Variants in PCDHA2 observed in about 807,000 individuals in gnomAD.
The protein encoded by PCDHA2 is protocadherin alpha 2.
PCDHA2 carries 58 observed loss-of-function variants against 66.0 expected under a neutral mutation model. The ratio of observed to expected loss-of-function variants is 0.88; its 90% CI spans 0.71 to 1.09. PCDHA2 has a LOEUF of 1.09. PCDHA2 is among the 50% of genes least tolerant of loss of function. The pLI is 0.00. For missense variants in PCDHA2, 1,267 were observed against 1,242.3 expected (o/e 1.02, Z -0.30); for synonymous variants, 634 against 554.0 (o/e 1.14, Z -2.03).
At chr5:140,809,302 C>A (rs1449558535) in intron 1 of PCDHA2, 3 of 1,614,006 alleles carry the variant, frequency 1.9e-6, no homozygotes, top group Non-Finnish European at 2.5e-6. Flanking sequence ...TTGCCATCTG[C>A]GCGGTGTCCA....
In PCDHA2 at chr5:140,855,913, A is replaced by G. The variant is rs560286204; in HGVS notation, c.2388+58561A>G. 287 of 1,174,758 alleles carry G rather than the reference A, an allele frequency of 2.4e-4. 22 individuals carry two copies. Among genetic ancestry groups the G allele is most frequent in the Admixed American group, 2.2e-3 (83 of 38,140 alleles). 72.8% of individuals were successfully genotyped at this position (1,174,758 alleles called of 1,614,324 possible). ...AAAGGCATCAGCCAGTTTCTCAAGG[A>G]CTAGGAAGTAGCGTCATTCTGAGAT... On this transcript the variant is annotated intron_variant, in intron 1 of 3. Transcript: ENST00000526136.
At chr5:140,810,494 T>A (rs1554125502) in intron 1 of PCDHA2, 1 of 152,242 alleles carries the variant, frequency 6.6e-6, no homozygotes, top group East Asian at 1.9e-4. Context: ...TCTACATTTG[T>A]CAGGTTATTT....
In PCDHA2 at chr5:140,842,738, C is replaced by T. The variant is rs1470514973; in HGVS notation, c.2388+45386C>T. The T allele has an allele frequency of 6.3e-7, 1 of 1,594,924 alleles. No homozygotes were observed. The highest frequency in any genetic ancestry group is 8.6e-7 in the Non-Finnish European group (1 of 1,165,426). ...GAAGGAGAACAACCCGCCGGGCTGCCACATCTTCACGGTGTCTGCGCGAGA... is the reference window on the plus strand; with the variant it reads ...GAAGGAGAACAACCCGCCGGGCTGCTACATCTTCACGGTGTCTGCGCGAGA... On this transcript the variant is annotated intron_variant, in intron 1 of 3. Coordinates refer to ENST00000526136, the MANE Select transcript of PCDHA2 (RefSeq NM_018905.3).
intron 1 of PCDHA2, chr5:140,800,983 A>G (rs568383923): frequency 7.4e-7 from 1 of 1,350,980 alleles, no homozygotes; most frequent in African/African-American, 1.5e-5. Context: ...TACATATTTA[A>G]TACTTACACG....
At position 140,909,867 on chromosome 5, in the gene PCDHA2, C is replaced by T. The variant is rs544055697; in HGVS notation, c.2389-69082C>T. Among the ~76,000 whole-genome samples the T allele has an allele frequency of 2.8e-4, 43 of 152,282 alleles. 1 individual carries two copies. The highest frequency in any genetic ancestry group is 4.9e-4 in the Non-Finnish European group (33 of 68,020). On this transcript the variant is annotated intron_variant, in intron 1 of 3. Coordinates refer to ENST00000526136, the MANE Select transcript of PCDHA2 (RefSeq NM_018905.3). ...GACGTTTTCGGTCCCCTGGAGTCAA[C>T]GTCAGCTTAGAGACACTGTTCAGTA...
rs1364522984 is a variant in PCDHA2 at position 140,856,543 on chromosome 5, A to G, written c.2388+59191A>G. 5.0e-6 allele frequency: 8 copies of G among 1,598,190 alleles called. No homozygotes were observed. In the African/African-American group the frequency reaches 6.7e-5, roughly 13 times the overall value. The stretch of plus-strand genomic sequence containing the variant: ...CTGATGCGGATGTTGGAGAGAACGC[A>G]TTGCTTACTTACAAACTCAGTCCAA... On this transcript the variant is annotated intron_variant, in intron 1 of 3. Transcript: ENST00000526136.
In PCDHA2 at chr5:140,977,999, G is replaced by A. The variant is rs1185111218; in HGVS notation, c.2389-950G>A. Among the ~76,000 whole-genome samples the A allele has an allele frequency of 1.3e-5, 2 of 152,132 alleles. 1 individual carries two copies. The highest frequency in any genetic ancestry group is 4.8e-5 in the African/African-American group (2 of 41,406). ...AAACGCATCTAGAGGAGTGTCACAA[G>A]TTTTTCACAGTGACATTTTTGCTTA... On this transcript the variant is annotated intron_variant, in intron 1 of 3. Coordinates refer to ENST00000526136, the MANE Select transcript of PCDHA2 (RefSeq NM_018905.3).
intron 1 of PCDHA2, chr5:140,861,550 T>G: frequency 2.4e-6 from 1 of 415,394 alleles, no homozygotes; most frequent in South Asian, 2.1e-5. Flanking sequence ...CACCTGGAAG[T>G]GATCGTGGAC....
intron 1 of PCDHA2, chr5:140,967,575 C>T: frequency 6.2e-7 from 1 of 1,614,156 alleles, no homozygotes. Context: ...CGGGAGGACT[C>T]ACCCCCAGGC....
At chr5:140,830,541 T>C in intron 1 of PCDHA2, 4 of 1,203,448 alleles carry the variant, frequency 3.3e-6, no homozygotes, top group Non-Finnish European at 4.5e-6. Context: ...ATAATTGTTT[T>C]CCTCATATTT....
chr5:140,916,092 A>T (rs1396935399), intron 1 of PCDHA2, among the ~76,000 whole-genome samples: 1 of 152,092 alleles, frequency 6.6e-6, no homozygotes, highest in Non-Finnish European at 1.5e-5. Flanking sequence ...GTCCACAGGG[A>T]ATCTGCCTGG....
intron 1 of PCDHA2, among the ~76,000 whole-genome samples, chr5:140,832,950 G>A (rs112678369): frequency 0.015 from 2,239 of 152,242 alleles, 37 homozygotes; most frequent in Non-Finnish European, 0.018. Flanking sequence ...ACTTAAGTGA[G>A]TATACAGAAA....
chr5:140,849,910 G>A, intron 1 of PCDHA2: 1 of 1,598,272 alleles, frequency 6.3e-7, no homozygotes. Flanking sequence ...CCGCCGGGCT[G>A]CCACATCTTC....
intron 3 of PCDHA2, among the ~76,000 whole-genome samples, chr5:141,002,590 C>T (rs183905414): frequency 6.6e-6 from 1 of 152,294 alleles, no homozygotes; most frequent in East Asian, 1.9e-4. Flanking sequence ...AGTCCTTAGT[C>T]CCCTCATCTA....
At chr5:140,831,510 T>C (rs1180915101) in intron 1 of PCDHA2, among the ~76,000 whole-genome samples, 2 of 137,202 alleles carry the variant, frequency 1.5e-5, no homozygotes, top group East Asian at 4.2e-4. Flanking sequence ...AGCACCACCA[T>C]GCCCCCCACC....
intron 1 of PCDHA2, chr5:140,829,680 T>G: frequency 6.2e-7 from 1 of 1,613,216 alleles, no homozygotes; most frequent in Non-Finnish European, 8.5e-7. Flanking sequence ...GAGCTAGAGC[T>G]GCTGCAGTTT....
At chr5:140,876,810 C>A in intron 1 of PCDHA2, 2 of 1,614,154 alleles carry the variant, frequency 1.2e-6, no homozygotes, top group Non-Finnish European at 1.7e-6. Flanking sequence ...TGGAGGTGGC[C>A]GACGTGAACG....
chr5:140,802,300 T>C (rs373674603), intron 1 of PCDHA2: 2 of 1,614,236 alleles, frequency 1.2e-6, no homozygotes, highest in Non-Finnish European at 1.7e-6. Flanking sequence ...CTTAGCACAG[T>C]CATCGCTCTG....
At chr5:140,833,358 C>G (rs1772420671) in intron 1 of PCDHA2, among the ~76,000 whole-genome samples, 1 of 152,128 alleles carries the variant, frequency 6.6e-6, no homozygotes, top group Non-Finnish European at 1.5e-5. Flanking sequence ...AAAACGAACA[C>G]AGTAAGGTAG....
Sources: gnomAD v4.1 joint callset for allele counts (sites outside exome capture counted in the v4.1 genomes callset) on GRCh38, gnomAD v4.1.1 for gene constraint, MANE v1.5 for transcripts, NCBI Gene and HGNC (gene_info 2026-07-23, HGNC 2026-07-21) for gene names.